RBFOX1: variants seen among roughly 807,000 people sequenced by gnomAD.
RBFOX1 encodes RNA binding fox-1 homolog 1.
RBFOX1 carries 8 observed loss-of-function variants against 57.7 expected under a neutral mutation model. That is an observed-to-expected ratio of 0.14 (90% CI 0.08 to 0.25). The LOEUF (loss-of-function observed/expected upper bound fraction) is 0.25, where lower values mean the gene tolerates loss of function less well. Ranked by LOEUF, RBFOX1 falls within the 10% of genes least tolerant of loss-of-function variation. The probability of loss-of-function intolerance (pLI) is 1.00; values close to 1 mark genes in which losing one functional copy is unlikely to be tolerated. For synonymous variants in RBFOX1, 326 were observed against 222.4 expected (o/e 1.47, Z -4.15); for missense variants, 611 against 548.5 (o/e 1.11, Z -1.14).
At chr16:6,524,685 G>A (rs991973043) in intron 2 of RBFOX1, among the ~76,000 whole-genome samples, 3 of 152,158 alleles carry the variant, frequency 2.0e-5, no homozygotes, top group Non-Finnish European at 2.9e-5. Context: ...AAATCAAGAT[G>A]TCTGCTGGGC....
At chr16:5,545,465 C>T (rs2045155960) in intron 2 of RBFOX1, among the ~76,000 whole-genome samples, 2 of 151,796 alleles carry the variant, frequency 1.3e-5, no homozygotes, top group African/African-American at 2.4e-5. Context: ...TAATTGTAAA[C>T]AAAATTTTAG....
At chr16:7,409,651 C>G (rs918420867) in intron 4 of RBFOX1, among the ~76,000 whole-genome samples, 7 of 152,224 alleles carry the variant, frequency 4.6e-5, no homozygotes, top group African/African-American at 1.7e-4. Flanking sequence ...AGATGTAATC[C>G]AATCACTATA....
intron 1 of RBFOX1, among the ~76,000 whole-genome samples, chr16:6,121,203 G>T (rs2096546492): frequency 6.6e-6 from 1 of 152,170 alleles, no homozygotes. Context: ...GGGAACTTCA[G>T]TGTGTACAAG....
intron 3 of RBFOX1, among the ~76,000 whole-genome samples, chr16:6,950,865 G>C (rs923733388): frequency 2.0e-5 from 3 of 151,354 alleles, no homozygotes; most frequent in African/African-American, 4.9e-5. Flanking sequence ...CTCTGTTTTT[G>C]TCTCTCTTTC....
chr16:7,215,825 C>T (rs146824578), intron 4 of RBFOX1, among the ~76,000 whole-genome samples: 99 of 150,352 alleles, frequency 6.6e-4, no homozygotes, highest in South Asian at 1.1e-3. Flanking sequence ...CTCGGGTTCA[C>T]GCCATTCTCC....
At chr16:7,245,765 G>T (rs1207847300) in intron 4 of RBFOX1, among the ~76,000 whole-genome samples, 3 of 152,120 alleles carry the variant, frequency 2.0e-5, no homozygotes, top group African/African-American at 4.8e-5. Context: ...ATAACTTCGG[G>T]TTGCCCTTTT....
chr16:6,375,352 G>T (rs1322928116), intron 2 of RBFOX1, among the ~76,000 whole-genome samples: 2 of 150,748 alleles, frequency 1.3e-5, no homozygotes, highest in African/African-American at 4.9e-5. Context: ...AACAAAGAAA[G>T]CCAAAATAAT....
rs1320523811 is a variant in RBFOX1, at chr16:7,710,776, G to T, written c.*31G>T. On this transcript the variant is annotated 3_prime_UTR_variant, in exon 16 of 16. Coordinates refer to ENST00000550418, the MANE Select transcript of RBFOX1 (RefSeq NM_018723.4). ...AAAACCATAAAAACCTTCCAATGTG[G>T]GGAGAAAGGAAGCTTTCCGAGGCCT... 2.6e-6 allele frequency: 4 copies of T among 1,511,404 alleles called. No individual in the cohort carries two copies. The African/African-American group carries it at 4.3e-5, about 16-fold the overall frequency. The allele number at this position is 1,511,404 out of a possible 1,614,324, so 93.6% of individuals were successfully genotyped here. A position where few individuals can be genotyped will look rare whatever the true frequency, so the allele number is the denominator to read the frequency against.
intron 2 of RBFOX1, among the ~76,000 whole-genome samples, chr16:6,337,235 G>A (rs1476949074): frequency 6.6e-6 from 1 of 152,076 alleles, no homozygotes; most frequent in African/African-American, 2.4e-5. Context: ...AAAGAAGGAG[G>A]GCCCTATGAG....
intron 3 of RBFOX1, among the ~76,000 whole-genome samples, chr16:5,858,749 G>C (rs2057135068): frequency 6.6e-6 from 1 of 152,222 alleles, no homozygotes; most frequent in South Asian, 2.1e-4. Context: ...AATTTGGTAG[G>C]AGATGGGAAG....
chr16:5,757,279 T>A (rs932949995), intron 3 of RBFOX1, among the ~76,000 whole-genome samples: 1 of 149,878 alleles, frequency 6.7e-6, no homozygotes, highest in African/African-American at 2.5e-5. Context: ...GTTGCCAGGC[T>A]GGAGTGCAGT....
intron 1 of RBFOX1, among the ~76,000 whole-genome samples, chr16:5,442,964 G>C (rs1356062720): frequency 1.3e-5 from 2 of 152,146 alleles, no homozygotes; most frequent in African/African-American, 4.8e-5. Context: ...GACACAGGGG[G>C]ACAAACATGG....
At position 7,036,647 on chromosome 16, in the gene RBFOX1, C is replaced by T. The variant is rs1418496905; in HGVS notation, c.-15-15410C>T. ...GGCGGAGGTTGCAGTGAACCGAAAT[C>T]GTGCCACTGCACTCCAGCCTCGTCG... On this transcript the variant is annotated intron_variant, in intron 3 of 15. Transcript: ENST00000550418. Among the ~76,000 whole-genome samples the T allele has an allele frequency of 2.6e-5, 4 of 151,474 alleles. 1 individual carries two copies. The highest frequency in any genetic ancestry group is 4.2e-4 in the South Asian group (2 of 4,812).
chr16:6,883,042 C>T (rs1447295040), intron 3 of RBFOX1, among the ~76,000 whole-genome samples: 1 of 152,134 alleles, frequency 6.6e-6, no homozygotes, highest in African/African-American at 2.4e-5. Context: ...CCATATGTCT[C>T]CTGACATTGC....
intron 14 of RBFOX1, among the ~76,000 whole-genome samples, chr16:7,694,467 A>G (rs2078168751): frequency 6.6e-6 from 1 of 152,226 alleles, no homozygotes; most frequent in African/African-American, 2.4e-5. Context: ...TTTTATTTAT[A>G]TGGTCAGCCT....
At chr16:5,307,263 C>T (rs1348561205) in intron 1 of RBFOX1, among the ~76,000 whole-genome samples, 1 of 152,138 alleles carries the variant, frequency 6.6e-6, no homozygotes, top group African/African-American at 2.4e-5. Flanking sequence ...TGTGCTCACA[C>T]CAGGAGACTT....
At chr16:6,617,653 C>A (rs1360660348) in intron 2 of RBFOX1, among the ~76,000 whole-genome samples, 2 of 152,098 alleles carry the variant, frequency 1.3e-5, no homozygotes, top group Non-Finnish European at 2.9e-5. Context: ...GAGCCCATCA[C>A]AGGCAGGGTT....
intron 3 of RBFOX1, among the ~76,000 whole-genome samples, chr16:6,753,584 C>T (rs1381902547): frequency 6.6e-6 from 1 of 152,132 alleles, no homozygotes; most frequent in Non-Finnish European, 1.5e-5. Context: ...TGTGCAATTT[C>T]ATCTCTTCAT....
chr16:5,517,847 T>TACAC lies in RBFOX1; in HGVS notation c.258+50606_258+50609dup, dbSNP rs60932835. Among the ~76,000 whole-genome samples the TACAC allele has an allele frequency of 2.6e-3, 396 of 150,638 alleles. 4 individuals are homozygous for TACAC. Among genetic ancestry groups the TACAC allele is most frequent in the African/African-American group, 8.8e-3 (361 of 41,000 alleles). On this transcript the variant is annotated intron_variant, in intron 2 of 2. Coordinates refer to the RBFOX1 transcript ENST00000585867. Reference sequence around the variant, plus strand: ...AAATTGACTATTTTACATATATGTATACACACACACACACACGTACATATA... The same window carrying TACAC: ...AAATTGACTATTTTACATATATGTATACACACACACACACACACACGTACATATA...
Sources: gnomAD v4.1 joint callset for allele counts (sites outside exome capture counted in the v4.1 genomes callset) on GRCh38, gnomAD v4.1.1 for gene constraint, MANE v1.5 for transcripts, NCBI Gene and HGNC (gene_info 2026-07-23, HGNC 2026-07-21) for gene names.